The following DPH6 variants were observed in gnomAD, a reference collection of about 807,000 sequenced individuals.
The protein encoded by DPH6 is diphthamine biosynthesis 6.
Under a neutral mutation model 38.2 loss-of-function variants are expected in DPH6, and 33 were observed. That is an observed-to-expected ratio of 0.86 (90% CI 0.65 to 1.15). DPH6 has a LOEUF of 1.15. Among genes scored for constraint, DPH6 ranks in the 50% most tolerant of loss-of-function variants. DPH6 has a pLI of 0.00. For missense variants in DPH6, 325 were observed against 320.0 expected (o/e 1.02, Z -0.12); for synonymous variants, 108 against 103.0 (o/e 1.05, Z -0.30).
At chr15:35,200,714 C>T in the DPH6 span, among the ~76,000 whole-genome samples, 1 of 151,386 alleles carries the variant, frequency 6.6e-6, no homozygotes, top group Non-Finnish European at 1.5e-5. Context: ...AACATCCATG[C>T]ATCTGTTCAT....
intron 3 of DPH6, among the ~76,000 whole-genome samples, chr15:35,459,393 A>G (rs1410533205): frequency 2.0e-5 from 3 of 152,180 alleles, no homozygotes; most frequent in Non-Finnish European, 4.4e-5. Context: ...CCTCATCTAA[A>G]CCTAATTATC....
intron 3 of DPH6, among the ~76,000 whole-genome samples, chr15:35,459,001 G>A (rs754503270): frequency 1.3e-5 from 2 of 152,212 alleles, no homozygotes; most frequent in Non-Finnish European, 2.9e-5. Context: ...TACCTTAAAT[G>A]ACTATTAACT....
At chr15:35,235,803 A>G (rs1475743221) in intron 3 of DPH6, among the ~76,000 whole-genome samples, 1 of 152,228 alleles carries the variant, frequency 6.6e-6, no homozygotes, top group Non-Finnish European at 1.5e-5. Flanking sequence ...ACAGTGTGCT[A>G]TATATACTGT....
Position 35,285,687 on chromosome 15 carries a change from T to G in DPH6, n.201-65105A>C, listed in dbSNP as rs150900957. On this transcript the variant is annotated intron_variant and non_coding_transcript_variant, in intron 3 of 3. Coordinates refer to the DPH6 transcript ENST00000560386. Reference sequence around the variant, plus strand: ...AAAATTTTCAATGAAAATTAAGTAATTACTTAATCTATTTCTTTTATATTT... The same window carrying G: ...AAAATTTTCAATGAAAATTAAGTAAGTACTTAATCTATTTCTTTTATATTT... Among the ~76,000 whole-genome samples, 232 of 152,158 alleles carry G rather than the reference T, an allele frequency of 1.5e-3. 1 individual carries two copies. Among genetic ancestry groups the G allele is most frequent in the Admixed American group, 0.01 (160 of 15,286 alleles).
intron 3 of DPH6, among the ~76,000 whole-genome samples, chr15:35,356,181 C>G (rs1566878971): frequency 6.6e-6 from 1 of 152,154 alleles, no homozygotes; most frequent in African/African-American, 2.4e-5. Flanking sequence ...GTTAGTCAGT[C>G]ATGTAATCTT....
chr15:35,382,379 G>A (rs767482395), intron 6 of DPH6, among the ~76,000 whole-genome samples: 1 of 152,136 alleles, frequency 6.6e-6, no homozygotes, highest in Non-Finnish European at 1.5e-5. Flanking sequence ...GAGCTCAGCC[G>A]AGTTTGCAGT....
chr15:35,441,503 C>T (rs1159310380), intron 5 of DPH6, among the ~76,000 whole-genome samples: 1 of 152,212 alleles, frequency 6.6e-6, no homozygotes, highest in African/African-American at 2.4e-5. Context: ...AGTTCGTCGC[C>T]TTTGCAGGGA....
intron 3 of DPH6, among the ~76,000 whole-genome samples, chr15:35,465,256 T>A (rs2054113316): frequency 6.6e-6 from 1 of 152,176 alleles, no homozygotes; most frequent in Non-Finnish European, 1.5e-5. Flanking sequence ...AGAAAAAAAA[T>A]GATCTTCTGA....
chr15:35,404,181 C>A (rs1255439805), intron 6 of DPH6, among the ~76,000 whole-genome samples: 1 of 152,134 alleles, frequency 6.6e-6, no homozygotes, highest in African/African-American at 2.4e-5. Context: ...AGTGTTGCAA[C>A]AAACATGGGA....
At chr15:35,151,717 T>C in the DPH6 span, among the ~76,000 whole-genome samples, 2 of 152,242 alleles carry the variant, frequency 1.3e-5, no homozygotes, top group South Asian at 2.1e-4. Flanking sequence ...GGTTGTGTTC[T>C]GGGCCACCCT....
intron 3 of DPH6, among the ~76,000 whole-genome samples, chr15:35,511,852 CTAAA>C (rs1272629313): frequency 6.6e-6 from 1 of 151,960 alleles, no homozygotes; most frequent in Non-Finnish European, 1.5e-5. Context: ...TTTGCAAAGT[CTAAA>C]TAATGATTTA....
chr15:35,186,787 G>A, the DPH6 span, among the ~76,000 whole-genome samples: 1 of 152,154 alleles, frequency 6.6e-6, no homozygotes, highest in Admixed American at 6.5e-5. Context: ...AAAACATTCT[G>A]ACCATGTTGG....
chr15:35,365,504 AAAC>A lies in DPH6; in HGVS notation n.207+8014_207+8016del, dbSNP rs1174051975. Among the ~76,000 whole-genome samples, 10 of 152,224 alleles carry A rather than the reference AAAC, an allele frequency of 6.6e-5. No individual in the cohort carries two copies. In the East Asian group the frequency reaches 1.3e-3, roughly 21 times the overall value. ...CAGCAATCAGAAATTTTATTTCTTAAAACAACAACAACAGCAACAGTAAAAAGC... is the reference window on the plus strand; with the variant it reads ...CAGCAATCAGAAATTTTATTTCTTAAAACAACAACAGCAACAGTAAAAAGC... On this transcript the variant is annotated intron_variant and non_coding_transcript_variant, in intron 3 of 3. Transcript: ENST00000558973.
intron 3 of DPH6, among the ~76,000 whole-genome samples, chr15:35,498,470 G>A (rs1016496713): frequency 2.6e-5 from 4 of 152,034 alleles, no homozygotes; most frequent in Middle Eastern, 3.4e-3. Context: ...AGATCATCAC[G>A]TGGTTATCAA....
At chr15:35,385,480 A>G (rs1227991900) in intron 6 of DPH6, among the ~76,000 whole-genome samples, 2 of 152,166 alleles carry the variant, frequency 1.3e-5, no homozygotes, top group African/African-American at 4.8e-5. Context: ...ACATGGATGA[A>G]GCTGGAAACC....
exon 4 of DPH6, chr15:35,219,356 C>T (rs1227909811): frequency 6.6e-6 from 1 of 152,028 alleles, no homozygotes; most frequent in Non-Finnish European, 1.5e-5. Context: ...ATAAGCTTTC[C>T]TCTTTAAGGC....
intron 3 of DPH6, among the ~76,000 whole-genome samples, chr15:35,358,947 A>G (rs1486051474): frequency 6.6e-6 from 1 of 152,116 alleles, no homozygotes; most frequent in Non-Finnish European, 1.5e-5. Context: ...TAGAACTCCC[A>G]AGATTATATA....
intron 3 of DPH6, among the ~76,000 whole-genome samples, chr15:35,506,877 GTTTAACAATGACTTGTCTTTTA>G (rs1301407878): frequency 1.3e-5 from 2 of 152,044 alleles, no homozygotes; most frequent in African/African-American, 4.8e-5. Context: ...AGCAAAATCT[GTTTAACAATGACTTGTCTTTTA>G]TTTACTACAA....
At chr15:35,413,750 T>A (rs972791015) in intron 5 of DPH6, among the ~76,000 whole-genome samples, 8 of 151,732 alleles carry the variant, frequency 5.3e-5, no homozygotes, top group African/African-American at 1.9e-4. Flanking sequence ...TTGAGTTTAA[T>A]CATTTTATAT....
Sources: gnomAD v4.1 joint callset for allele counts (sites outside exome capture counted in the v4.1 genomes callset) on GRCh38, gnomAD v4.1.1 for gene constraint, MANE v1.5 for transcripts, NCBI Gene and HGNC (gene_info 2026-07-23, HGNC 2026-07-21) for gene names.